The following DDX60L variants were observed in gnomAD, a reference collection of about 807,000 sequenced individuals.
DDX60L encodes the protein probable ATP-dependent RNA helicase DDX60-like.
A neutral mutation model predicts 211.6 loss-of-function variants in DDX60L; 191 were observed. The ratio of observed to expected loss-of-function variants is 0.90; its 90% confidence interval spans 0.80 to 1.02. The LOEUF (loss-of-function observed/expected upper bound fraction) is 1.02, where lower values mean the gene tolerates loss of function less well. Ranked by LOEUF, DDX60L falls within the 50% of genes least tolerant of loss-of-function variation. The pLI is 0.00. For synonymous variants in DDX60L, 706 were observed against 694.1 expected (o/e 1.02, Z -0.27); for missense variants, 2,007 against 1,984.1 (o/e 1.01, Z -0.22).
chr4:168,394,758 T>C (rs1300387612), intron 27 of DDX60L, 141 bp from the exon 28 acceptor site: 1 of 698,866 alleles, frequency 1.4e-6, no homozygotes, highest in Non-Finnish European at 2.3e-6. Context: ...TGAACCTACA[T>C]GTTTTATGAC....
intron 9 of DDX60L, among the ~76,000 whole-genome samples, chr4:168,446,666 C>T (rs1754857379): frequency 6.6e-6 from 1 of 151,232 alleles, no homozygotes; most frequent in Non-Finnish European, 1.5e-5. Context: ...CAGCATGGTA[C>T]TGGTACCAAA....
At chr4:168,404,785 C>T (rs1442487206) in intron 24 of DDX60L, among the ~76,000 whole-genome samples, 1 of 152,024 alleles carries the variant, frequency 6.6e-6, no homozygotes, top group Non-Finnish European at 1.5e-5. Flanking sequence ...GGAAAATTAA[C>T]ATTAAATTCC....
Position 168,394,486 on chromosome 4 carries a change from G to C in DDX60L, c.3789C>G (p.Leu1263=), listed in dbSNP as rs1745424991. ...CTACCCTAATAAGCCCTTTTACAAA[G>C]AGTATCTCAACAAACTCTTTTTCTT... The part of the protein sequence containing the change: ...YFKEKEFVEI[L]FVKGLIRVVT... The change falls in exon 28 of 38, where the codon CTC becomes CTG. Residue 1263 remains leucine (L), a synonymous_variant. Transcript: ENST00000682922. 3 of 1,607,484 alleles carry C rather than the reference G, an allele frequency of 1.9e-6. No individual in the cohort carries two copies. Among genetic ancestry groups the C allele is most frequent in the Non-Finnish European group, 1.7e-6 (2 of 1,177,734 alleles).
chr4:168,403,663 C>A (rs1218609621), intron 25 of DDX60L, among the ~76,000 whole-genome samples: 1 of 152,060 alleles, frequency 6.6e-6, no homozygotes, highest in Non-Finnish European at 1.5e-5. Context: ...ATGAAAAATG[C>A]AATTTAGTTC....
In DDX60L at chr4:168,400,928, A is replaced by G. The variant is rs1032531782; in HGVS notation, c.3389T>C (p.Leu1130Pro). 2 of 1,613,738 alleles carry G rather than the reference A, an allele frequency of 1.2e-6. No individual in the cohort carries two copies. Among genetic ancestry groups the G allele is most frequent in the Non-Finnish European group, 8.5e-7 (1 of 1,179,772 alleles). Residue 1130 changes from leucine to proline, a missense_variant, in exon 26 of 38, where the codon CTG (leucine) becomes CCG (proline). By Grantham distance (98) the Leu-to-Pro change is moderately conservative. Coordinates refer to ENST00000682922, the MANE Select transcript of DDX60L (RefSeq NM_001012967.3). ...ATGGCTTTTTGTCTCTGTCTTCTCC[A>G]GAAAAGTGCACACACTTCCAGCTCT... ...GKRAGSVCTFLEKTETKSHPH... is the reference protein window; with the variant it reads ...GKRAGSVCTFPEKTETKSHPH...
chr4:168,374,164 G>A (rs962950852), intron 34 of DDX60L, among the ~76,000 whole-genome samples: 4 of 151,512 alleles, frequency 2.6e-5, no homozygotes, highest in East Asian at 1.9e-4. Flanking sequence ...CCATCTCGCT[G>A]GACTTGGAAG....
intron 12 of DDX60L, 54 bp downstream of exon 12, chr4:168,432,401 G>A (rs1363602883): frequency 2.2e-6 from 2 of 928,716 alleles, no homozygotes; most frequent in African/African-American, 1.7e-5. Context: ...TTAATAAAAA[G>A]AGCAGCAAAG....
chr4:168,396,132 T>TAAA lies in DDX60L; in HGVS notation c.3492-9_3492-8insTTT. ...TTTGGGTTTTTTTTAGTGCTACTATTTAAAAAAAAAAAAAAACTTTTAAGT... is the reference window on the plus strand; with the variant it reads ...TTTGGGTTTTTTTTAGTGCTACTATTAAATAAAAAAAAAAAAAAACTTTTAAGT... On this transcript the variant is annotated splice_polypyrimidine_tract_variant and intron_variant, in intron 26 of 37. Coordinates refer to ENST00000682922, the MANE Select transcript of DDX60L (RefSeq NM_001012967.3). 4 of 1,333,476 alleles carry TAAA rather than the reference T, an allele frequency of 3.0e-6. No individual in the cohort carries two copies. Among genetic ancestry groups the TAAA allele is most frequent in the Non-Finnish European group, 3.0e-6 (3 of 1,007,602 alleles). 82.6% of individuals were successfully genotyped at this position (1,333,476 alleles called of 1,614,324 possible).
chr4:168,432,929 A>G (rs907066101), intron 11 of DDX60L, 81 bp downstream of exon 11: 1 of 819,066 alleles, frequency 1.2e-6, no homozygotes, highest in Non-Finnish European at 2.0e-6. Flanking sequence ...GATATATTAC[A>G]TAGACATTTT....
chr4:168,442,261 G>T (rs930506341), intron 9 of DDX60L, among the ~76,000 whole-genome samples: 4 of 152,152 alleles, frequency 2.6e-5, no homozygotes, highest in Non-Finnish European at 4.4e-5. Flanking sequence ...CTGGAAAATC[G>T]GGTCACTCCC....
At chr4:168,414,093 A>G (rs1197647026) in intron 22 of DDX60L, among the ~76,000 whole-genome samples, 1 of 152,178 alleles carries the variant, frequency 6.6e-6, no homozygotes, top group Non-Finnish European at 1.5e-5. Context: ...AAAGGGCTGA[A>G]GGAAAAAATC....
intron 4 of DDX60L, among the ~76,000 whole-genome samples, chr4:168,465,302 T>A (rs188784861): frequency 3.9e-4 from 59 of 152,234 alleles, no homozygotes; most frequent in Middle Eastern, 3.4e-3. Flanking sequence ...TATTGAGAGA[T>A]GCCTATTCAG....
chr4:168,410,286 C>G (rs1363449967), intron 22 of DDX60L, among the ~76,000 whole-genome samples: 1 of 152,114 alleles, frequency 6.6e-6, no homozygotes. Context: ...AAAAATCTCA[C>G]ATTAGCAAAG....
chr4:168,455,940 A>G (rs938961136), intron 7 of DDX60L, 99 bp downstream of exon 7: 16 of 768,164 alleles, frequency 2.1e-5, no homozygotes, highest in Non-Finnish European at 3.2e-5. Flanking sequence ...AACCAAGAGT[A>G]TGTCCACAGT....
intron 32 of DDX60L, 93 bp downstream of exon 32, chr4:168,379,270 G>A (rs1215862309): frequency 1.3e-5 from 15 of 1,135,238 alleles, no homozygotes; most frequent in Non-Finnish European, 1.6e-5. Flanking sequence ...TAATAAATGA[G>A]AAGGAGGAAG....
chr4:168,422,799 AG>A (rs1750848107), intron 15 of DDX60L, 129 bp from the exon 16 acceptor site: 1 of 731,438 alleles, frequency 1.4e-6, no homozygotes, highest in Non-Finnish European at 2.2e-6. Context: ...TTTTTGAGAC[AG>A]GGTCTTTCTC....
At chr4:168,425,454 G>A (rs951987828) in intron 14 of DDX60L, among the ~76,000 whole-genome samples, 3 of 152,174 alleles carry the variant, frequency 2.0e-5, no homozygotes, top group Non-Finnish European at 2.9e-5. Context: ...TGTCAGCTTG[G>A]TCTAGCATCA....
At chr4:168,468,872 TCAAAA>T (rs1758366334) in intron 4 of DDX60L, 1 of 152,064 alleles carries the variant, frequency 6.6e-6, no homozygotes, top group Non-Finnish European at 1.5e-5. Flanking sequence ...TACGGTAAGA[TCAAAA>T]CATGAAATAT....
chr4:168,443,886 A>G (rs1457374748), intron 9 of DDX60L, among the ~76,000 whole-genome samples: 1 of 149,698 alleles, frequency 6.7e-6, no homozygotes, highest in Admixed American at 6.7e-5. Flanking sequence ...AGCACTAAAC[A>G]TGGAAAGGAA....
Sources: gnomAD v4.1 joint callset for allele counts (sites outside exome capture counted in the v4.1 genomes callset) on GRCh38, gnomAD v4.1.1 for gene constraint, MANE v1.5 for transcripts, NCBI Gene and HGNC (gene_info 2026-07-23, HGNC 2026-07-21) for gene names.